MMP26: variants seen among roughly 807,000 people sequenced by gnomAD.
MMP26 encodes matrix metalloproteinase-26.
In MMP26, 33 loss-of-function variants were observed where a neutral mutation model predicts 31.0. The ratio of observed to expected loss-of-function variants is 1.06; its 90% confidence interval spans 0.81 to 1.42. MMP26 has a LOEUF of 1.42. Among genes scored for constraint, MMP26 ranks in the 40% most tolerant of loss-of-function variants. The pLI is 0.00. For missense variants in MMP26, 347 were observed against 316.1 expected, an observed-to-expected ratio of 1.10 and a Z score of -0.74; for synonymous variants, 122 against 114.9, an observed-to-expected ratio of 1.06 and a Z score of -0.40.
At chr11:4,900,911 G>T (rs59413150) in intron 2 of MMP26, among the ~76,000 whole-genome samples, 4,970 of 152,042 alleles carry the variant, frequency 0.033, 270 homozygotes, top group African/African-American at 0.11. Context: ...ATTTGTCCGT[G>T]GGATGTATTT....
chr11:4,961,990 C>A (rs375209068), intron 2 of MMP26, among the ~76,000 whole-genome samples: 33 of 152,136 alleles, frequency 2.2e-4, no homozygotes, highest in Admixed American at 4.6e-4. Flanking sequence ...ATTGGAGCAA[C>A]CCCTGTTTTT....
chr11:4,738,365 C>A (rs368973696), intron 1 of MMP26, among the ~76,000 whole-genome samples: 14 of 152,296 alleles, frequency 9.2e-5, no homozygotes, highest in Middle Eastern at 3.4e-3. Context: ...CCTTATTTTG[C>A]TTCTCATTCA....
At chr11:4,803,529 TAGATAG>T in intron 2 of MMP26, 1 of 1,613,954 alleles carries the variant, frequency 6.2e-7, no homozygotes, top group Non-Finnish European at 8.5e-7. Flanking sequence ...GAGGTATCAG[TAGATAG>T]AGATTAGCAA....
intron 2 of MMP26, chr11:4,769,466 A>G: frequency 5.0e-6 from 8 of 1,613,552 alleles, no homozygotes; most frequent in Non-Finnish European, 6.8e-6. Context: ...AGCACGTGTA[A>G]TCATCAGAAG....
chr11:4,882,662 G>A lies in MMP26; in HGVS notation c.-144-105406G>A, dbSNP rs1343449749. The A allele has an allele frequency of 1.2e-6, 2 of 1,613,908 alleles. No homozygotes were observed. Among genetic ancestry groups the A allele is most frequent in the Admixed American group, 3.3e-5 (2 of 59,982 alleles). The stretch of plus-strand genomic sequence containing the variant: ...CATCTGTGCAGTCACTATTTTCTAT[G>A]TGCCACTGATCAGCCTCTCTTTGGC... On this transcript the variant is annotated intron_variant, in intron 2 of 7. Transcript: ENST00000380390.
chr11:4,891,891 C>T (rs929176645), intron 2 of MMP26, among the ~76,000 whole-genome samples: 3 of 152,072 alleles, frequency 2.0e-5, no homozygotes, highest in Non-Finnish European at 4.4e-5. Flanking sequence ...ACCATTTTTT[C>T]TCCCTGGAAT....
intron 2 of MMP26, among the ~76,000 whole-genome samples, chr11:4,903,564 C>G (rs1266432708): frequency 6.6e-6 from 1 of 152,090 alleles, no homozygotes; most frequent in Non-Finnish European, 1.5e-5. Flanking sequence ...GTTTACCTTT[C>G]AGATGAGTAG....
chr11:4,846,348 A>T (rs1849866779), intron 2 of MMP26, among the ~76,000 whole-genome samples: 1 of 152,222 alleles, frequency 6.6e-6, no homozygotes, highest in Admixed American at 6.5e-5. Context: ...GGATCTAAAA[A>T]TGAAAACAAT....
chr11:4,759,254 T>C (rs778654264), intron 1 of MMP26, among the ~76,000 whole-genome samples: 1 of 152,162 alleles, frequency 6.6e-6, no homozygotes, highest in African/African-American at 2.4e-5. Context: ...ACAATTGTTA[T>C]TAATGTCAAC....
chr11:4,960,680 A>G (rs1294779180), intron 2 of MMP26, among the ~76,000 whole-genome samples: 9 of 152,116 alleles, frequency 5.9e-5, no homozygotes, highest in Admixed American at 5.2e-4. Flanking sequence ...CCAAAACTCC[A>G]AAAATTACAG....
intron 2 of MMP26, among the ~76,000 whole-genome samples, chr11:4,834,089 G>A (rs1330298906): frequency 1.3e-5 from 2 of 152,064 alleles, no homozygotes; most frequent in African/African-American, 4.8e-5. Flanking sequence ...ACGTTTTTCT[G>A]GGGTGAGAAT....
At chr11:4,848,789 G>A (rs1333109857) in intron 2 of MMP26, 1 of 1,614,150 alleles carries the variant, frequency 6.2e-7, no homozygotes, top group Admixed American at 1.7e-5. Flanking sequence ...GGAGCGCTGG[G>A]TAGTGGAGAG....
chr11:4,754,668 T>C (rs1848485404), intron 1 of MMP26, among the ~76,000 whole-genome samples: 1 of 152,028 alleles, frequency 6.6e-6, no homozygotes, highest in Non-Finnish European at 1.5e-5. Context: ...AGTACTTACT[T>C]ATAGCTGTAG....
rs1254551241 is a variant in MMP26, at chr11:4,923,578, G to C, written c.-144-64490G>C. 4.3e-6 allele frequency: 7 copies of C among 1,614,148 alleles called. No individual in the cohort carries two copies. In the East Asian group the frequency reaches 1.6e-4, roughly 36 times the overall value. ...CAAGAGACAAGCCAATCATGGGGAT[G>C]TAGAAGAGCAGTACAGCACAGATAT... On this transcript the variant is annotated intron_variant, in intron 2 of 7. Coordinates refer to ENST00000380390, the MANE Select transcript of MMP26 (RefSeq NM_021801.5).
At chr11:4,793,227 T>G (rs1032274277) in intron 2 of MMP26, among the ~76,000 whole-genome samples, 2 of 152,198 alleles carry the variant, frequency 1.3e-5, no homozygotes, top group African/African-American at 4.8e-5. Context: ...ATGTCTCCCC[T>G]GTAATTTCAT....
chr11:4,855,123 AG>A (rs1039727312), intron 2 of MMP26, among the ~76,000 whole-genome samples: 5 of 152,250 alleles, frequency 3.3e-5, no homozygotes, highest in African/African-American at 1.2e-4. Flanking sequence ...AAAACAGAGC[AG>A]AAAAGCTGAA....
chr11:4,810,707 A>G (rs1849338521), intron 2 of MMP26, among the ~76,000 whole-genome samples: 1 of 152,224 alleles, frequency 6.6e-6, no homozygotes, highest in African/African-American at 2.4e-5. Context: ...AAAGAATTCC[A>G]AAGAAGACCA....
intron 2 of MMP26, chr11:4,915,830 C>T: frequency 1.9e-6 from 1 of 519,328 alleles, no homozygotes; most frequent in East Asian, 2.9e-5. Flanking sequence ...TCCTTGACTT[C>T]CTCTCAGTAT....
chr11:4,824,443 C>T (rs762281686), intron 2 of MMP26, among the ~76,000 whole-genome samples: 92 of 152,032 alleles, frequency 6.1e-4, no homozygotes, highest in Non-Finnish European at 7.4e-5. Flanking sequence ...CTCAGAATTC[C>T]TTCATTCTCA....
Sources: allele counts gnomAD v4.1 joint callset (sites outside exome capture counted in the v4.1 genomes callset), GRCh38; gene constraint gnomAD v4.1.1; transcripts MANE v1.5; gene names NCBI Gene and HGNC (gene_info 2026-07-23, HGNC 2026-07-21).